Variants in CACNA2D4 observed in about 807,000 individuals in gnomAD.
The protein encoded by CACNA2D4 is calcium voltage-gated channel auxiliary subunit alpha2delta 4, also known as voltage-dependent calcium channel subunit alpha-2/delta-4.
Under a neutral mutation model 163.8 loss-of-function variants are expected in CACNA2D4, and 157 were observed. The ratio of observed to expected loss-of-function variants is 0.96; its 90% CI spans 0.84 to 1.09. CACNA2D4 has a LOEUF of 1.09. Among genes scored for constraint, CACNA2D4 ranks in the 50% least tolerant of loss-of-function variants. CACNA2D4 has a pLI of 0.00. For missense variants in CACNA2D4, 1,410 were observed against 1,479.9 expected, an observed-to-expected ratio of 0.95 and a Z score of 0.78; for synonymous variants, 598 against 586.9, an observed-to-expected ratio of 1.02 and a Z score of -0.27.
At chr12:1,831,456 G>A in intron 26 of CACNA2D4, 1 of 1,614,114 alleles carries the variant, frequency 6.2e-7, no homozygotes, top group Non-Finnish European at 8.5e-7. Context: ...GCAGGTCGGG[G>A]ATAACCCCTG....
At chr12:1,865,132 C>T (rs959053138) in intron 18 of CACNA2D4, among the ~76,000 whole-genome samples, 6 of 152,150 alleles carry the variant, frequency 3.9e-5, no homozygotes, top group Non-Finnish European at 7.3e-5. Flanking sequence ...TACCTGGCCA[C>T]GGAGGGGAGA....
At chr12:1,831,428 A>G (rs2154447152) in intron 26 of CACNA2D4, 1 of 1,614,060 alleles carries the variant, frequency 6.2e-7, no homozygotes, top group Non-Finnish European at 8.5e-7. Context: ...TTGAACCCCT[A>G]GCAAACCTGC....
At chr12:1,819,470 C>A (rs976621859) in intron 26 of CACNA2D4, among the ~76,000 whole-genome samples, 1 of 152,098 alleles carries the variant, frequency 6.6e-6, no homozygotes, top group Non-Finnish European at 1.5e-5. Flanking sequence ...GGCTGTGAAC[C>A]CCTCCAGCAA....
rs1386125326 is a variant in CACNA2D4, at chr12:1,829,266, T to C, written c.2551+11473A>G. ...GCGGCTTCTGGTGATGCAGATCCTT[T>C]TGAGAGGGAGCTGAATGCGTTGGAT... On this transcript the variant is annotated intron_variant, in intron 26 of 37. Transcript: ENST00000382722. This position sits in a 1 kb window ranked among gnomAD's most constrained non-coding sequence, Gnocchi z 4.2. Among the ~76,000 whole-genome samples the C allele has an allele frequency of 2.0e-5, 3 of 152,096 alleles. No homozygotes were observed. The highest frequency in any genetic ancestry group is 7.2e-5 in the African/African-American group (3 of 41,402).
At chr12:1,809,502 C>T (rs761516982) in intron 29 of CACNA2D4, 24 of 702,142 alleles carry the variant, frequency 3.4e-5, no homozygotes, top group Non-Finnish European at 6.2e-5. Context: ...CAAGGAAATA[C>T]ATCTGGTGAA....
chr12:1,884,049 T>C lies in CACNA2D4; in HGVS notation c.1351+194A>G, dbSNP rs1866072077. 6 of 559,954 alleles carry C rather than the reference T, an allele frequency of 1.1e-5. No individual in the cohort carries two copies. In the Admixed American group the frequency reaches 1.8e-4, roughly 17 times the overall value. The allele number at this position is 559,954 out of a possible 1,614,324, so 34.7% of individuals were successfully genotyped here. A position where few individuals can be genotyped will look rare whatever the true frequency, so the allele number is the denominator to read the frequency against. ...GCTGAAAGAAAGAATGGGGGCAGGA[T>C]GGAGACAGAGCTGACATTGTCTCAC... On this transcript the variant is annotated intron_variant, in intron 12 of 37. Coordinates refer to ENST00000382722, the MANE Select transcript of CACNA2D4 (RefSeq NM_172364.5).
intron 26 of CACNA2D4, among the ~76,000 whole-genome samples, chr12:1,839,188 C>T (rs910727745): frequency 2.6e-5 from 4 of 152,228 alleles, no homozygotes; most frequent in Admixed American, 6.5e-5. Flanking sequence ...CATCCTGCTG[C>T]GAGAGTCCTC....
chr12:1,866,787 ATT>A (rs34111398), intron 18 of CACNA2D4, among the ~76,000 whole-genome samples: 13 of 136,532 alleles, frequency 9.5e-5, no homozygotes, highest in African/African-American at 3.5e-4. Flanking sequence ...CACCTGGCTA[ATT>A]TTTTTTTTTT....
intron 23 of CACNA2D4, among the ~76,000 whole-genome samples, chr12:1,852,890 T>C (rs1009174302): frequency 2.6e-5 from 4 of 152,154 alleles, no homozygotes; most frequent in Admixed American, 2.6e-4. Flanking sequence ...TCGCTATGCT[T>C]TGTTTTCCTC....
At chr12:1,846,570 C>T in intron 24 of CACNA2D4, 24 bp downstream of exon 24, 3 of 1,558,642 alleles carry the variant, frequency 1.9e-6, no homozygotes, top group Middle Eastern at 1.7e-4. Flanking sequence ...GGATTGCCCT[C>T]CCGAGGTGGC....
In CACNA2D4 at chr12:1,834,838, C is replaced by A; in HGVS notation, c.2551+5901G>T. On this transcript the variant is annotated intron_variant, in intron 26 of 37. Transcript: ENST00000382722. This position sits in a 1 kb window ranked among gnomAD's most constrained non-coding sequence, Gnocchi z 7.6. ...TGCCTCCCCGAGTCCACCCTCCTCC[C>A]CGCCCTCCAGCAGACAAGCCACACC... 2.1e-6 allele frequency: 3 copies of A among 1,433,586 alleles called. No individual in the cohort carries two copies. Among genetic ancestry groups the A allele is most frequent in the Non-Finnish European group, 2.7e-6 (3 of 1,096,670 alleles). 88.8% of individuals were successfully genotyped at this position (1,433,586 alleles called of 1,614,324 possible).
chr12:1,892,475 C>A (rs1263301863), intron 6 of CACNA2D4, among the ~76,000 whole-genome samples: 1 of 152,118 alleles, frequency 6.6e-6, no homozygotes, highest in Non-Finnish European at 1.5e-5. Flanking sequence ...GTATAAAATT[C>A]ACTGGCAGAG....
rs757872180 is a variant in CACNA2D4 at position 1,874,647 on chromosome 12, G to C, written c.1835C>G (p.Thr612Arg). 1 of 1,613,232 alleles carries C rather than the reference G, an allele frequency of 6.2e-7. No homozygotes were observed. The highest frequency in any genetic ancestry group is 8.5e-7 in the Non-Finnish European group (1 of 1,179,250). The change falls in exon 18 of 38, where the codon ACA becomes AGA. Residue 612 changes from threonine (T) to arginine (R), a missense_variant. Transcript: ENST00000382722. This position sits in a 1 kb window ranked among gnomAD's most constrained non-coding sequence, Gnocchi z 4.4. ...CTTCACATCCATCGAGAGAGTACCTGTTTCCCTATTGATCATGGCTGTTCT... is the reference window on the plus strand; with the variant it reads ...CTTCACATCCATCGAGAGAGTACCTCTTTCCCTATTGATCATGGCTGTTCT... ...SLRTAMINRETGTLSMDVKVP... is the reference protein window; with the variant it reads ...SLRTAMINRERGTLSMDVKVP...
rs931859844 is a variant in CACNA2D4, at chr12:1,798,339, A to G, written c.2996-804T>C. Among the ~76,000 whole-genome samples the G allele has an allele frequency of 1.3e-5, 2 of 152,072 alleles. No individual in the cohort carries two copies. The highest frequency in any genetic ancestry group is 2.9e-5 in the Non-Finnish European group (2 of 67,978). On this transcript the variant is annotated intron_variant, in intron 34 of 37. Transcript: ENST00000382722. This position sits in a 1 kb window ranked among gnomAD's most constrained non-coding sequence, Gnocchi z 4.3. ...GGCTGTGGCCCCCAGGGATAGACCT[A>G]GAGGCAGGGAGCACAGGTGTGAGCT...
At position 1,875,798 on chromosome 12, in the gene CACNA2D4, T is replaced by G. The variant is rs1389665808; in HGVS notation, c.1720-461A>C. Among the ~76,000 whole-genome samples the G allele has an allele frequency of 6.6e-6, 1 of 152,232 alleles. No individual in the cohort carries two copies. Among genetic ancestry groups the G allele is most frequent in the Admixed American group, 6.5e-5 (1 of 15,286 alleles). ...CACTGCTCCAACTGAGTTTGCCCGG[T>G]GTGCAGGTGCCTCAGCTCCCTCTGA... On this transcript the variant is annotated intron_variant, in intron 16 of 37. Transcript: ENST00000382722. The surrounding 1 kb of genome is among the most constrained non-coding windows in gnomAD (Gnocchi z 4.0).
At position 1,885,907 on chromosome 12, in the gene CACNA2D4, G is replaced by T; in HGVS notation, c.1068+58C>A. 6 of 1,267,508 alleles carry T rather than the reference G, an allele frequency of 4.7e-6. No individual in the cohort carries two copies. In the South Asian group the frequency reaches 7.5e-5, roughly 16 times the overall value. The allele number at this position is 1,267,508 out of a possible 1,614,324, so 78.5% of individuals were successfully genotyped here. On this transcript the variant is annotated intron_variant, in intron 9 of 37. Transcript: ENST00000382722. ...ACAGAAACAGTCTACAGAGACAACC[G>T]CCCACCATCCAGACAAGAGCAGGGG...
chr12:1,912,123 C>G (rs1380604022), intron 3 of CACNA2D4, among the ~76,000 whole-genome samples: 1 of 152,178 alleles, frequency 6.6e-6, no homozygotes, highest in Non-Finnish European at 1.5e-5. Flanking sequence ...CTGGAGAGGC[C>G]GCAGCTCGCC....
In CACNA2D4 at chr12:1,840,838, C is replaced by A. The variant is rs1003698868; in HGVS notation, c.2471-19G>T. The A allele has an allele frequency of 6.7e-7, 1 of 1,487,876 alleles. No individual in the cohort carries two copies. Among genetic ancestry groups the A allele is most frequent in the Non-Finnish European group, 8.9e-7 (1 of 1,125,286 alleles). 92.2% of individuals were successfully genotyped at this position (1,487,876 alleles called of 1,614,324 possible). A position where few individuals can be genotyped will look rare whatever the true frequency, so the allele number is the denominator to read the frequency against. ...GCACTTTCTGGGGAAACAGAGACAA[C>A]CCAGTCATGGGGAAGAGCTGTGGTT... On this transcript the variant is annotated intron_variant, in intron 25 of 37. Coordinates refer to ENST00000382722, the MANE Select transcript of CACNA2D4 (RefSeq NM_172364.5).
rs889805824 is a variant in CACNA2D4 at position 1,798,164 on chromosome 12, G to A, written c.2996-629C>T. Among the ~76,000 whole-genome samples the A allele has an allele frequency of 5.9e-5, 9 of 152,216 alleles. No homozygotes were observed. Among genetic ancestry groups the A allele is most frequent in the Non-Finnish European group, 1.5e-5 (1 of 68,030 alleles). On this transcript the variant is annotated intron_variant, in intron 34 of 37. Coordinates refer to ENST00000382722, the MANE Select transcript of CACNA2D4 (RefSeq NM_172364.5). The surrounding 1 kb of genome is among the most constrained non-coding windows in gnomAD (Gnocchi z 4.3). ...GCCTTAGCTCCCTGGGACAAGGACA[G>A]TGGACTCAACCAAAGGTGGAGGCGA...
Sources: allele counts gnomAD v4.1 joint callset (sites outside exome capture counted in the v4.1 genomes callset), GRCh38; gene constraint gnomAD v4.1.1; non-coding constraint Gnocchi (gnomAD v3.1); transcripts MANE v1.5; gene names NCBI Gene and HGNC (gene_info 2026-07-23, HGNC 2026-07-21).